COX7B2: variants seen among roughly 807,000 people sequenced by gnomAD.
The protein encoded by COX7B2 is cytochrome c oxidase subunit 7B2.
For synonymous variants in COX7B2, 37 were observed against 32.1 expected, an observed-to-expected ratio of 1.15 and a Z score of -0.51; for missense variants, 109 against 95.9, an observed-to-expected ratio of 1.14 and a Z score of -0.57.
intron 1 of COX7B2, among the ~76,000 whole-genome samples, chr4:46,906,661 C>T (rs745399703): frequency 1.3e-5 from 2 of 152,054 alleles, no homozygotes; most frequent in African/African-American, 4.8e-5. Flanking sequence ...TTCTTAAGTT[C>T]CAGAATCTTC....
At chr4:46,828,306 T>G (rs890383192) in intron 2 of COX7B2, among the ~76,000 whole-genome samples, 1 of 152,052 alleles carries the variant, frequency 6.6e-6, no homozygotes, top group East Asian at 1.9e-4. Context: ...TAGAAGGAGT[T>G]GACAAAAGCT....
At chr4:46,795,163 G>A (rs1718259291) in intron 2 of COX7B2, among the ~76,000 whole-genome samples, 1 of 130,820 alleles carries the variant, frequency 7.6e-6, no homozygotes, top group Non-Finnish European at 1.6e-5. Context: ...TGTTCACTCT[G>A]ATGGTAGTTT....
intron 2 of COX7B2, among the ~76,000 whole-genome samples, chr4:46,797,106 A>T (rs1423312936): frequency 1.3e-5 from 1 of 74,642 alleles, no homozygotes; most frequent in African/African-American, 5.2e-5. Context: ...AAAAAAAAAA[A>T]AAAAAAAAAA....
chr4:46,876,163 G>A (rs1447800874), intron 1 of COX7B2, among the ~76,000 whole-genome samples: 2 of 152,036 alleles, frequency 1.3e-5, no homozygotes, highest in Non-Finnish European at 2.9e-5. Flanking sequence ...AGAACAAAAG[G>A]TTTTAAAAAT....
chr4:46,886,359 TCCA>T (rs1029346136), intron 1 of COX7B2, among the ~76,000 whole-genome samples: 2 of 152,210 alleles, frequency 1.3e-5, no homozygotes, highest in African/African-American at 4.8e-5. Flanking sequence ...AATTAAGATA[TCCA>T]CCACCTCAAA....
intron 2 of COX7B2, among the ~76,000 whole-genome samples, chr4:46,836,940 C>T (rs972152850): frequency 6.6e-6 from 1 of 151,948 alleles, no homozygotes; most frequent in Non-Finnish European, 1.5e-5. Flanking sequence ...CATCGTTATG[C>T]GGCACATGAA....
chr4:46,750,331 C>G (rs1348704339), intron 2 of COX7B2, among the ~76,000 whole-genome samples: 1 of 151,762 alleles, frequency 6.6e-6, no homozygotes, highest in Non-Finnish European at 1.5e-5. Context: ...AAATTGGAGG[C>G]TACAGCGAGC....
intron 1 of COX7B2, among the ~76,000 whole-genome samples, chr4:46,902,361 A>G (rs771217393): frequency 3.9e-5 from 6 of 152,248 alleles, no homozygotes; most frequent in Non-Finnish European, 8.8e-5. Context: ...ATAAAAGGAA[A>G]CATCACAAAA....
intron 1 of COX7B2, among the ~76,000 whole-genome samples, chr4:46,897,668 C>A (rs1719844192): frequency 1.3e-5 from 2 of 152,098 alleles, no homozygotes; most frequent in African/African-American, 4.8e-5. Flanking sequence ...TCTATCCCTC[C>A]TTCCTCTCCA....
intron 2 of COX7B2, among the ~76,000 whole-genome samples, chr4:46,813,658 C>T (rs757069675): frequency 6.6e-6 from 1 of 152,078 alleles, no homozygotes; most frequent in Non-Finnish European, 1.5e-5. Flanking sequence ...ACCACCATGG[C>T]ACATGTATAC....
At chr4:46,809,049 G>A (rs1362736366) in intron 2 of COX7B2, among the ~76,000 whole-genome samples, 1 of 151,704 alleles carries the variant, frequency 6.6e-6, no homozygotes, top group African/African-American at 2.4e-5. Flanking sequence ...ATCTTGGTAG[G>A]TTGTATTTTT....
At chr4:46,801,460 T>C (rs1718653718) in intron 2 of COX7B2, among the ~76,000 whole-genome samples, 2 of 152,120 alleles carry the variant, frequency 1.3e-5, no homozygotes, top group African/African-American at 2.4e-5. Context: ...GCCATTATCC[T>C]AGCAATTAAC....
chr4:46,832,120 G>A (rs574862290), intron 2 of COX7B2, among the ~76,000 whole-genome samples: 126 of 152,254 alleles, frequency 8.3e-4, no homozygotes, highest in South Asian at 1.9e-3. Context: ...ACCTGCTCGG[G>A]TCCCCTTCCA....
intron 2 of COX7B2, among the ~76,000 whole-genome samples, chr4:46,754,714 G>GTATATATATA (rs1715649382): frequency 4.7e-5 from 1 of 21,354 alleles, no homozygotes; most frequent in African/African-American, 2.6e-4. Context: ...GTGTGTGTGT[G>GTATATATATA]TGTGTGTGTG....
At chr4:46,754,372 AC>A (rs1715613739) in intron 2 of COX7B2, among the ~76,000 whole-genome samples, 1 of 151,534 alleles carries the variant, frequency 6.6e-6, no homozygotes, top group South Asian at 2.1e-4. Flanking sequence ...ACCATGGAAT[AC>A]TATGCAGCCA....
intron 1 of COX7B2, among the ~76,000 whole-genome samples, chr4:46,859,245 T>C (rs553220845): frequency 6.6e-6 from 1 of 152,256 alleles, no homozygotes; most frequent in Admixed American, 6.5e-5. Context: ...CTACCTCTTT[T>C]CCCTTTACTG....
chr4:46,777,016 C>T (rs187910803), intron 2 of COX7B2, among the ~76,000 whole-genome samples: 82 of 152,246 alleles, frequency 5.4e-4, no homozygotes, highest in African/African-American at 1.8e-3. Flanking sequence ...CCATTGGATG[C>T]ATACTGAATA....
chr4:46,763,424 C>T (rs1265510274), intron 2 of COX7B2, among the ~76,000 whole-genome samples: 1 of 151,316 alleles, frequency 6.6e-6, no homozygotes, highest in Non-Finnish European at 1.5e-5. Flanking sequence ...AGTGGTGATC[C>T]AGCTGTTTGA....
At chr4:46,902,965 T>C (rs1720160641) in intron 1 of COX7B2, among the ~76,000 whole-genome samples, 1 of 152,148 alleles carries the variant, frequency 6.6e-6, no homozygotes, top group African/African-American at 2.4e-5. Context: ...CTGTGTCTTA[T>C]CAAAAATTAT....
Sources: allele counts gnomAD v4.1 joint callset (sites outside exome capture counted in the v4.1 genomes callset), GRCh38; gene constraint gnomAD v4.1.1; transcripts MANE v1.5; gene names NCBI Gene and HGNC (gene_info 2026-07-23, HGNC 2026-07-21).